GNAZ: variants seen among roughly 807,000 people sequenced by gnomAD.
GNAZ encodes the protein guanine nucleotide-binding protein G(z) subunit alpha.
A neutral mutation model predicts 25.4 loss-of-function variants in GNAZ; 3 were observed. The ratio of observed to expected loss-of-function variants is 0.12; its 90% CI spans 0.05 to 0.30. The LOEUF is 0.30. Among genes scored for constraint, GNAZ ranks in the 10% least tolerant of loss-of-function variants. The probability of loss-of-function intolerance (pLI) is 1.00; values close to 1 mark genes in which losing one functional copy is unlikely to be tolerated. For missense variants in GNAZ, 241 were observed against 501.8 expected, an observed-to-expected ratio of 0.48 and a Z score of 4.97; for synonymous variants, 211 against 205.7, an observed-to-expected ratio of 1.03 and a Z score of -0.22.
chr22:23,096,683 A>C (rs1206313451), intron 2 of GNAZ, among the ~76,000 whole-genome samples: 2 of 152,202 alleles, frequency 1.3e-5, no homozygotes, highest in East Asian at 3.8e-4. Context: ...CCGGGCATCC[A>C]TGATCAATCC....
intron 2 of GNAZ, among the ~76,000 whole-genome samples, chr22:23,121,251 A>C (rs6003516): frequency 1.1e-3 from 173 of 152,350 alleles, no homozygotes; most frequent in African/African-American, 3.9e-3. Flanking sequence ...CTAAAGAAAG[A>C]GCAAGATTGG....
rs551571476 is a variant in GNAZ at position 23,118,733 on chromosome 22, G to C, written c.724-4354G>C. The stretch of plus-strand genomic sequence containing the variant: ...TGGAGGAAGTCACTGCAGGACAAGG[G>C]GGTGATGCACTACCATGGGGCAGGG... On this transcript the variant is annotated intron_variant, in intron 2 of 2. Coordinates refer to ENST00000615612, the MANE Select transcript of GNAZ (RefSeq NM_002073.4). Among the ~76,000 whole-genome samples, 6 of 152,320 alleles carry C rather than the reference G, an allele frequency of 3.9e-5. No individual in the cohort carries two copies. In the South Asian group the frequency reaches 1.2e-3, roughly 32 times the overall value.
At chr22:23,115,822 A>T (rs908675004) in intron 2 of GNAZ, among the ~76,000 whole-genome samples, 4 of 152,236 alleles carry the variant, frequency 2.6e-5, no homozygotes, top group African/African-American at 9.6e-5. Flanking sequence ...TGCTCACTTC[A>T]GGAAATTCTG....
rs192427956 is a variant in GNAZ at position 23,099,125 on chromosome 22, C to T, written c.723+2707C>T. On this transcript the variant is annotated intron_variant, in intron 2 of 2. Coordinates refer to ENST00000615612, the MANE Select transcript of GNAZ (RefSeq NM_002073.4). Reference sequence around the variant, plus strand: ...TGCTGGCAGTGCCTCCCCACCCCCACGCCTGGCGAAGGAGCCACAGCCCCC... The same window carrying T: ...TGCTGGCAGTGCCTCCCCACCCCCATGCCTGGCGAAGGAGCCACAGCCCCC... Among the ~76,000 whole-genome samples the T allele has an allele frequency of 1.9e-3, 295 of 152,332 alleles. 2 individuals are homozygous for T. The highest frequency in any genetic ancestry group is 1.2e-3 in the Non-Finnish European group (79 of 68,014).
chr22:23,074,033 G>A (rs980348252), intron 1 of GNAZ, among the ~76,000 whole-genome samples: 1 of 152,168 alleles, frequency 6.6e-6, no homozygotes, highest in Non-Finnish European at 1.5e-5. Context: ...GACACTCCCT[G>A]GCCCCTGGAG....
chr22:23,116,590 T>G, intron 2 of GNAZ, among the ~76,000 whole-genome samples: 1 of 152,206 alleles, frequency 6.6e-6, no homozygotes, highest in East Asian at 1.9e-4. Flanking sequence ...CTCAGGGAGC[T>G]GCAACTACAG....
At chr22:23,078,792 C>A (rs1335835314) in intron 1 of GNAZ, among the ~76,000 whole-genome samples, 1 of 152,170 alleles carries the variant, frequency 6.6e-6, no homozygotes, top group Non-Finnish European at 1.5e-5. Flanking sequence ...AGCACACTTG[C>A]AGGGGTAGCA....
At chr22:23,111,615 C>A (rs1482209177) in intron 2 of GNAZ, among the ~76,000 whole-genome samples, 2 of 152,202 alleles carry the variant, frequency 1.3e-5, no homozygotes, top group African/African-American at 4.8e-5. Context: ...GGACAAACAG[C>A]TTATTTTACT....
At chr22:23,120,035 C>T (rs1048104208) in intron 2 of GNAZ, among the ~76,000 whole-genome samples, 1 of 152,184 alleles carries the variant, frequency 6.6e-6, no homozygotes, top group South Asian at 2.1e-4. Flanking sequence ...GGCCCACACT[C>T]GGGAGATGTT....
chr22:23,088,147 G>A (rs2068866772), intron 1 of GNAZ, among the ~76,000 whole-genome samples: 1 of 152,208 alleles, frequency 6.6e-6, no homozygotes, highest in Non-Finnish European at 1.5e-5. Context: ...TCATAATTTT[G>A]TAAAGGCGGT....
chr22:23,092,372 C>G (rs1476884478), intron 1 of GNAZ, among the ~76,000 whole-genome samples: 1 of 152,152 alleles, frequency 6.6e-6, no homozygotes, highest in Non-Finnish European at 1.5e-5. Flanking sequence ...GCGTGGTGCC[C>G]CTGCACAGGG....
intron 1 of GNAZ, among the ~76,000 whole-genome samples, chr22:23,081,821 CAAA>C (rs55713577): frequency 6.4e-5 from 3 of 46,746 alleles, no homozygotes; most frequent in Non-Finnish European, 1.1e-4. Context: ...GATTCCATCT[CAAA>C]AAAAAAAAAA....
At chr22:23,119,813 C>T (rs1192812032) in intron 2 of GNAZ, among the ~76,000 whole-genome samples, 1 of 152,152 alleles carries the variant, frequency 6.6e-6, no homozygotes, top group Non-Finnish European at 1.5e-5. Flanking sequence ...CAGACAGGGC[C>T]CAGCCAAGAA....
At chr22:23,102,274 T>C (rs1040283845) in intron 2 of GNAZ, among the ~76,000 whole-genome samples, 6 of 152,278 alleles carry the variant, frequency 3.9e-5, no homozygotes, top group African/African-American at 1.4e-4. Flanking sequence ...CGTGACCCCA[T>C]GGGATGCTGG....
In GNAZ at chr22:23,123,755, AGT is replaced by A; in HGVS notation, c.*325_*326del. ...CCTGCCCCTTCACTTTGCCTTCCTGAGTTGGCCCCACTCCACTTGGGGGTCTG... is the reference window on the plus strand; with the variant it reads ...CCTGCCCCTTCACTTTGCCTTCCTGATGGCCCCACTCCACTTGGGGGTCTG... On this transcript the variant is annotated 3_prime_UTR_variant, in exon 3 of 3. Coordinates refer to ENST00000615612, the MANE Select transcript of GNAZ (RefSeq NM_002073.4). 1.2e-5 allele frequency: 4 copies of A among 330,998 alleles called. No homozygotes were observed. The highest frequency in any genetic ancestry group is 1.7e-5 in the Non-Finnish European group (3 of 177,400). 20.5% of individuals were successfully genotyped at this position (330,998 alleles called of 1,614,324 possible).
chr22:23,091,559 C>T (rs1216919617), intron 1 of GNAZ, among the ~76,000 whole-genome samples: 1 of 151,738 alleles, frequency 6.6e-6, no homozygotes, highest in African/African-American at 2.4e-5. Flanking sequence ...GCTATGCATA[C>T]ATGCACACGC....
intron 1 of GNAZ, among the ~76,000 whole-genome samples, chr22:23,078,742 C>G (rs5759579): frequency 6.6e-6 from 1 of 152,180 alleles, no homozygotes; most frequent in Admixed American, 6.5e-5. Context: ...GCCAGGGCTT[C>G]TAAGGGGGCT....
chr22:23,092,540 G>A (rs2069010945), intron 1 of GNAZ, among the ~76,000 whole-genome samples: 4 of 152,190 alleles, frequency 2.6e-5, no homozygotes, highest in Admixed American at 2.6e-4. Flanking sequence ...CCATGCAGGT[G>A]ACAGACTTGG....
At position 23,096,195 on chromosome 22, in the gene GNAZ, A is replaced by G. The variant is rs1475853215; in HGVS notation, c.500A>G (p.Asp167Gly). Residue 167 changes from aspartate (D) to glycine (G), a missense_variant, in exon 2 of 3, where the codon GAC becomes GGC. By Grantham distance (94) the Asp-to-Gly change is moderately conservative. Transcript: ENST00000615612. ...GACCTGGAGCGCATCGCCGCAGCTG[A>G]CTATATCCCCACTGTCGAGGACATC... Reference protein sequence around the residue: ...LNDLERIAAADYIPTVEDILR... With the variant: ...LNDLERIAAAGYIPTVEDILR... 6.2e-7 allele frequency: 1 copy of G among 1,613,482 alleles called. No homozygotes were observed. Among genetic ancestry groups the G allele is most frequent in the African/African-American group, 1.3e-5 (1 of 74,940 alleles).
Sources: gnomAD v4.1 joint callset for allele counts (sites outside exome capture counted in the v4.1 genomes callset) on GRCh38, gnomAD v4.1.1 for gene constraint, MANE v1.5 for transcripts, NCBI Gene and HGNC (gene_info 2026-07-23, HGNC 2026-07-21) for gene names.